Variants in CLEC16A observed in about 807,000 individuals in gnomAD.
CLEC16A encodes the protein protein CLEC16A.
Under a neutral mutation model 109.5 loss-of-function variants are expected in CLEC16A, and 51 were observed. The observed-to-expected ratio is 0.47, with a 90% CI of 0.37 to 0.59. The LOEUF (loss-of-function observed/expected upper bound fraction) is 0.59. CLEC16A is among the 20% of genes least tolerant of loss of function. The pLI is 0.00. For missense variants in CLEC16A, 1,339 were observed against 1,394.0 expected (o/e 0.96, Z 0.63); for synonymous variants, 673 against 564.2 (o/e 1.19, Z -2.73).
At position 11,044,058 on chromosome 16, in the gene CLEC16A, C is replaced by T; in HGVS notation, c.1801C>T (p.Arg601Ter). The stretch of plus-strand genomic sequence containing the variant: ...GAGAGAAGAAAGTGTTCACCTTGTA[C>T]GACATTTTTATAAGGTAATTGGCAG... The part of the protein sequence containing the change: ...GAREESVHLV[R>*]HFYKGEDIFL... Residue 601 changes from arginine (R) to a stop codon, truncating the protein, a stop_gained, in exon 16 of 24, where the codon CGA (arginine) becomes TGA (stop). Transcript: ENST00000409790. LOFTEE classifies it high-confidence loss of function. 4.4e-6 allele frequency: 7 copies of T among 1,608,664 alleles called. No homozygotes were observed. The highest frequency in any genetic ancestry group is 2.2e-5 in the East Asian group (1 of 44,748).
intron 14 of CLEC16A, 114 bp downstream of exon 14, chr16:11,039,990 T>G: frequency 4.1e-5 from 50 of 1,228,096 alleles, no homozygotes; most frequent in Non-Finnish European, 5.3e-5. Flanking sequence ...TCCGGGCCCA[T>G]CCCAACCTCT....
intron 23 of CLEC16A, among the ~76,000 whole-genome samples, chr16:11,175,814 T>C (rs553817511): frequency 3.3e-5 from 5 of 152,244 alleles, no homozygotes; most frequent in Admixed American, 6.5e-5. Flanking sequence ...CATCCCTGAT[T>C]ATTCTCATAA....
intron 19 of CLEC16A, among the ~76,000 whole-genome samples, chr16:11,092,143 C>T (rs980963762): frequency 6.6e-6 from 1 of 152,010 alleles, no homozygotes; most frequent in Non-Finnish European, 1.5e-5. Flanking sequence ...GTCAGGAGTT[C>T]GAGACCAGCC....
intron 19 of CLEC16A, among the ~76,000 whole-genome samples, chr16:11,117,944 A>G (rs1331433262): frequency 2.0e-5 from 3 of 152,062 alleles, no homozygotes; most frequent in Non-Finnish European, 4.4e-5. Flanking sequence ...ATTAAATTAG[A>G]CATTGAATTT....
chr16:11,129,762 C>CTTTT (rs34035128), intron 22 of CLEC16A, among the ~76,000 whole-genome samples: 2 of 125,576 alleles, frequency 1.6e-5, no homozygotes, highest in African/African-American at 3.4e-5. Context: ...GGCCTGGTTC[C>CTTTT]TTTTTTTTTT....
rs545731413 is a variant in CLEC16A, at chr16:10,962,313, G to T, written c.210-142G>T. Reference sequence around the variant, plus strand: ...TTGCTGGGAATTCCAGTTGTGGCGGGTGACAATGGGTGGCATGACCTGTGC... The same window carrying T: ...TTGCTGGGAATTCCAGTTGTGGCGGTTGACAATGGGTGGCATGACCTGTGC... On this transcript the variant is annotated intron_variant, in intron 2 of 23. Coordinates refer to ENST00000409790, the MANE Select transcript of CLEC16A (RefSeq NM_015226.3). 5.6e-5 allele frequency: 48 copies of T among 857,490 alleles called. No individual in the cohort carries two copies. The Middle Eastern group carries it at 1.7e-3, about 30-fold the overall frequency. The allele number at this position is 857,490 out of a possible 1,614,324, so 53.1% of individuals were successfully genotyped here.
chr16:11,078,628 G>A (rs182027852), intron 19 of CLEC16A, among the ~76,000 whole-genome samples: 12 of 152,308 alleles, frequency 7.9e-5, no homozygotes, highest in South Asian at 2.1e-4. Flanking sequence ...GAGTGGGTCC[G>A]GCACAGCCAG....
chr16:11,010,060 G>A (rs1330185916), intron 11 of CLEC16A, among the ~76,000 whole-genome samples: 1 of 152,168 alleles, frequency 6.6e-6, no homozygotes, highest in African/African-American at 2.4e-5. Context: ...GGCTGAGGTG[G>A]AAGGATCCCT....
At chr16:11,177,615 A>C (rs1243571747) in intron 23 of CLEC16A, among the ~76,000 whole-genome samples, 1 of 151,896 alleles carries the variant, frequency 6.6e-6, no homozygotes, top group Non-Finnish European at 1.5e-5. Context: ...AAAAAAAAAA[A>C]AAAGCACCAA....
intron 18 of CLEC16A, among the ~76,000 whole-genome samples, chr16:11,057,949 C>T (rs2048292989): frequency 6.6e-6 from 1 of 152,216 alleles, no homozygotes; most frequent in African/African-American, 2.4e-5. Context: ...GTACAGCTGG[C>T]ATAGTATGCG....
chr16:11,029,519 C>T (rs781737294), intron 13 of CLEC16A, among the ~76,000 whole-genome samples: 1 of 148,614 alleles, frequency 6.7e-6, no homozygotes, highest in Non-Finnish European at 1.5e-5. Flanking sequence ...TTTGCTGAGG[C>T]CCGGATACTC....
rs1484472880 is a variant in CLEC16A, at chr16:11,026,632, ATGTT to A, written c.1537+1718_1537+1721del. ...TTTGATTTTGTTGATTTCTGTTCTTATGTTTGTTTGGGGTTTTTTTTTTTTTTTT... is the reference window on the plus strand; with the variant it reads ...TTTGATTTTGTTGATTTCTGTTCTTATGTTTGGGGTTTTTTTTTTTTTTTT... On this transcript the variant is annotated intron_variant, in intron 13 of 23. Coordinates refer to ENST00000409790, the MANE Select transcript of CLEC16A (RefSeq NM_015226.3). Among the ~76,000 whole-genome samples the A allele has an allele frequency of 5.1e-5, 5 of 98,522 alleles. No individual in the cohort carries two copies. In the East Asian group the frequency reaches 9.2e-4, roughly 18 times the overall value. 64.6% of individuals were successfully genotyped at this position (98,522 alleles called of 152,430 possible).
At chr16:11,013,260 T>C (rs2045547934) in intron 11 of CLEC16A, among the ~76,000 whole-genome samples, 1 of 152,220 alleles carries the variant, frequency 6.6e-6, no homozygotes, top group South Asian at 2.1e-4. Flanking sequence ...CTGTATTGTG[T>C]TTATAAGCTA....
intron 23 of CLEC16A, among the ~76,000 whole-genome samples, chr16:11,172,497 T>A (rs80097957): frequency 6.6e-6 from 1 of 152,228 alleles, no homozygotes; most frequent in Non-Finnish European, 1.5e-5. Flanking sequence ...AGAAAACTGT[T>A]TGATCAAAAA....
chr16:10,978,500 G>A (rs912378020), intron 8 of CLEC16A, among the ~76,000 whole-genome samples: 3 of 152,206 alleles, frequency 2.0e-5, no homozygotes, highest in African/African-American at 7.2e-5. Context: ...TCAAACTCCT[G>A]ATCTCAGGTG....
intron 11 of CLEC16A, among the ~76,000 whole-genome samples, chr16:11,008,826 TAAAAAAAAAA>T (rs35514760): frequency 1.2e-5 from 1 of 86,272 alleles, no homozygotes; most frequent in South Asian, 4.1e-4. Flanking sequence ...CCGTCTCTAC[TAAAAAAAAAA>T]AAAAAAAAAA....
At position 10,969,287 on chromosome 16, in the gene CLEC16A, C is replaced by G; in HGVS notation, c.470C>G (p.Thr157Ser). 6.2e-7 allele frequency: 1 copy of G among 1,610,370 alleles called. No homozygotes were observed. The highest frequency in any genetic ancestry group is 8.5e-7 in the Non-Finnish European group (1 of 1,178,500). Residue 157 changes from threonine to serine, a missense_variant, in exon 4 of 24, where the codon ACT becomes AGT. Physicochemically the swap from Thr to Ser is moderately conservative, Grantham distance 58 (BLOSUM62 1). Transcript: ENST00000409790. Reference sequence around the variant, plus strand: ...CTTTCGTTAAAACTCAACAACCACACTGTCCATTTCTTTTATAATGAGGTA... The same window carrying G: ...CTTTCGTTAAAACTCAACAACCACAGTGTCCATTTCTTTTATAATGAGGTA... ...KTLSLKLNNH[T>S]VHFFYNEHTN...
At chr16:11,135,816 G>C (rs953810341) in intron 22 of CLEC16A, among the ~76,000 whole-genome samples, 1 of 152,272 alleles carries the variant, frequency 6.6e-6, no homozygotes, top group African/African-American at 2.4e-5. Context: ...GTCAGTGGCA[G>C]AGCGGGTGGC....
intron 18 of CLEC16A, among the ~76,000 whole-genome samples, chr16:11,057,562 A>G (rs1011331360): frequency 6.6e-6 from 1 of 152,238 alleles, no homozygotes; most frequent in African/African-American, 2.4e-5. Context: ...CATTGAAGCA[A>G]AGAAACTGGA....
Sources: allele counts gnomAD v4.1 joint callset (sites outside exome capture counted in the v4.1 genomes callset), GRCh38; gene constraint gnomAD v4.1.1; transcripts MANE v1.5; gene names NCBI Gene and HGNC (gene_info 2026-07-23, HGNC 2026-07-21).